RAE1: variants seen among roughly 807,000 people sequenced by gnomAD.
RAE1 encodes the protein ribonucleic acid export 1.
RAE1 carries 13 observed loss-of-function variants against 52.7 expected under a neutral mutation model. The ratio of observed to expected loss-of-function variants is 0.25; its 90% CI spans 0.16 to 0.39. The LOEUF is 0.39. Ranked by LOEUF, RAE1 falls within the 10% of genes least tolerant of loss-of-function variation. The pLI is 1.00. For missense variants in RAE1, 262 were observed against 459.8 expected, an observed-to-expected ratio of 0.57 and a Z score of 3.93; for synonymous variants, 164 against 153.1, an observed-to-expected ratio of 1.07 and a Z score of -0.52.
chr20:57,378,210 C>T lies in RAE1; in HGVS notation c.*111C>T, dbSNP rs1310951529. The T allele has an allele frequency of 1.5e-5, 13 of 881,594 alleles. No homozygotes were observed. The highest frequency in any genetic ancestry group is 2.2e-5 in the Non-Finnish European group (13 of 586,698). The allele number at this position is 881,594 out of a possible 1,614,324, so 54.6% of individuals were successfully genotyped here. Reference sequence around the variant, plus strand: ...TGTCAGCCATGGACATGGATTTCAACCCCTGGAGAAAACGATGTCATTGTT... The same window carrying T: ...TGTCAGCCATGGACATGGATTTCAATCCCTGGAGAAAACGATGTCATTGTT... On this transcript the variant is annotated 3_prime_UTR_variant, in exon 12 of 12. Coordinates refer to ENST00000395841, the MANE Select transcript of RAE1 (RefSeq NM_003610.4).
chr20:57,362,411 CT>C (rs996407730), intron 4 of RAE1, among the ~76,000 whole-genome samples: 2 of 152,140 alleles, frequency 1.3e-5, no homozygotes, highest in African/African-American at 4.8e-5. Flanking sequence ...TCATATGCAA[CT>C]TATTTTTAGT....
At chr20:57,376,741 G>A (rs932530219) in intron 11 of RAE1, among the ~76,000 whole-genome samples, 5 of 152,136 alleles carry the variant, frequency 3.3e-5, no homozygotes, top group African/African-American at 4.8e-5. Context: ...CTCCCACATC[G>A]GGCTCTTCAT....
At chr20:57,355,317 C>G (rs1568777916) in intron 3 of RAE1, among the ~76,000 whole-genome samples, 1 of 152,130 alleles carries the variant, frequency 6.6e-6, no homozygotes, top group African/African-American at 2.4e-5. Flanking sequence ...AGGGACTTCA[C>G]AAAAGAAAGA....
chr20:57,361,453 T>C (rs1299658678), intron 4 of RAE1, among the ~76,000 whole-genome samples: 1 of 152,174 alleles, frequency 6.6e-6, no homozygotes, highest in Non-Finnish European at 1.5e-5. Context: ...TGTTTGGGGT[T>C]TGGCAAAGGT....
chr20:57,354,626 A>G (rs1287083772), intron 2 of RAE1, 86 bp from the exon 3 acceptor site: 2 of 919,760 alleles, frequency 2.2e-6, no homozygotes, highest in Non-Finnish European at 3.2e-6. Context: ...AGGAAAGGCC[A>G]CCGTGAGGTA....
intron 8 of RAE1, chr20:57,371,072 C>T (rs183037946): frequency 2.0e-5 from 3 of 152,358 alleles, no homozygotes; most frequent in East Asian, 1.9e-4. Context: ...GGAATCTGTT[C>T]ATTTTTCTCC....
At chr20:57,354,202 G>A in intron 2 of RAE1, 74 bp downstream of exon 2, 1 of 1,304,706 alleles carries the variant, frequency 7.7e-7, no homozygotes. Context: ...CAGAACCCGA[G>A]ATGACTTGGG....
At chr20:57,366,469 G>A (rs2066955434) in intron 5 of RAE1, among the ~76,000 whole-genome samples, 1 of 152,162 alleles carries the variant, frequency 6.6e-6, no homozygotes, top group Non-Finnish European at 1.5e-5. Flanking sequence ...GAGAGCTATG[G>A]GAGAGAGGAG....
intron 4 of RAE1, among the ~76,000 whole-genome samples, chr20:57,365,056 C>T (rs2066936131): frequency 1.3e-5 from 2 of 152,152 alleles, no homozygotes; most frequent in Admixed American, 1.3e-4. Context: ...TCCATGGTTG[C>T]TGCTGAGAGG....
At chr20:57,365,640 A>G (rs1255390015) in intron 5 of RAE1, among the ~76,000 whole-genome samples, 198 bp downstream of exon 5, 2 of 152,232 alleles carry the variant, frequency 1.3e-5, no homozygotes, top group Non-Finnish European at 2.9e-5. Context: ...ACTAGTGTTC[A>G]CAGATTGTCT....
Position 57,378,374 on chromosome 20 carries a change from CTT to C in RAE1, c.*276_*277del. ...GGGCACCGCCAGGGATTTTGCAGCGCTTCAGTGTACGTGTTAGAGAATATTGG... is the reference window on the plus strand; with the variant it reads ...GGGCACCGCCAGGGATTTTGCAGCGCCAGTGTACGTGTTAGAGAATATTGG... On this transcript the variant is annotated 3_prime_UTR_variant, in exon 12 of 12. Coordinates refer to ENST00000395841, the MANE Select transcript of RAE1 (RefSeq NM_003610.4). The C allele has an allele frequency of 4.9e-6, 2 of 405,144 alleles. No homozygotes were observed. Among genetic ancestry groups the C allele is most frequent in the Non-Finnish European group, 8.9e-6 (2 of 223,516 alleles). 25.1% of individuals were successfully genotyped at this position (405,144 alleles called of 1,614,324 possible).
intron 1 of RAE1, chr20:57,352,141 T>C (rs955258355): frequency 4.8e-6 from 1 of 209,644 alleles, no homozygotes; most frequent in African/African-American, 2.5e-5. Flanking sequence ...TAAAAAAGAA[T>C]ACGTGTGACA....
chr20:57,355,324 A>G lies in RAE1; in HGVS notation c.195+508A>G, dbSNP rs6128010. Among the ~76,000 whole-genome samples, 18 of 152,376 alleles carry G rather than the reference A, an allele frequency of 1.2e-4. No homozygotes were observed. The East Asian group carries it at 3.3e-3, about 28-fold the overall frequency. On this transcript the variant is annotated intron_variant, in intron 3 of 11. Coordinates refer to ENST00000395841, the MANE Select transcript of RAE1 (RefSeq NM_003610.4). ...GTGTAAAGAGGGACTTCACAAAAGA[A>G]AGAATAAACCTGAACCATTCATCCA...
At chr20:57,373,146 G>A in intron 8 of RAE1, 2 of 328,460 alleles carry the variant, frequency 6.1e-6, no homozygotes, top group Non-Finnish European at 1.1e-5. Flanking sequence ...GCCTAGCCAG[G>A]GACGTCTCCA....
intron 8 of RAE1, chr20:57,371,347 G>A (rs1391050988): frequency 6.6e-6 from 1 of 152,150 alleles, no homozygotes; most frequent in Non-Finnish European, 1.5e-5. Context: ...AAATACGTAA[G>A]GAACCCCTGC....
chr20:57,356,416 T>G, intron 3 of RAE1, 30 bp from the exon 4 acceptor site: 1 of 1,565,862 alleles, frequency 6.4e-7, no homozygotes, highest in Non-Finnish European at 8.8e-7. Flanking sequence ...GTAATTGCTT[T>G]GTTTGCATTG....
chr20:57,360,139 A>G (rs1182564515), intron 4 of RAE1, among the ~76,000 whole-genome samples: 2 of 152,272 alleles, frequency 1.3e-5, no homozygotes, highest in East Asian at 1.9e-4. Flanking sequence ...ATTATCAGTA[A>G]TAGTGATTTC....
intron 4 of RAE1, among the ~76,000 whole-genome samples, chr20:57,363,774 C>G (rs1326798549): frequency 6.6e-6 from 1 of 152,184 alleles, no homozygotes; most frequent in Non-Finnish European, 1.5e-5. Context: ...CTATTGTATG[C>G]TAAATCCTGG....
In RAE1 at chr20:57,377,679, A is replaced by G. The variant is rs946760993; in HGVS notation, c.1021-334A>G. On this transcript the variant is annotated intron_variant, in intron 11 of 11. Coordinates refer to ENST00000395841, the MANE Select transcript of RAE1 (RefSeq NM_003610.4). ...TTTCTGTGAAGCATTCTCAGGTCAG[A>G]ACTAATTCTGACCAAGGGACCCAAG... Among the ~76,000 whole-genome samples, 5 of 152,244 alleles carry G rather than the reference A, an allele frequency of 3.3e-5. No individual in the cohort carries two copies. In the East Asian group the frequency reaches 7.7e-4, roughly 24 times the overall value.
Sources: allele counts gnomAD v4.1 joint callset (sites outside exome capture counted in the v4.1 genomes callset), GRCh38; gene constraint gnomAD v4.1.1; transcripts MANE v1.5; gene names NCBI Gene and HGNC (gene_info 2026-07-23, HGNC 2026-07-21).